Variants in ADAMTS6 observed in about 807,000 individuals in gnomAD.
ADAMTS6 encodes the protein ADAM metallopeptidase with thrombospondin type 1 motif 6.
A neutral mutation model predicts 144.3 loss-of-function variants in ADAMTS6; 23 were observed. That is an observed-to-expected ratio of 0.16 (90% CI 0.11 to 0.23). The LOEUF (loss-of-function observed/expected upper bound fraction) is 0.23. Among genes scored for constraint, ADAMTS6 ranks in the 10% least tolerant of loss-of-function variants. The pLI is 1.00. For synonymous variants in ADAMTS6, 444 were observed against 457.5 expected (o/e 0.97, Z 0.38); for missense variants, 999 against 1,379.6 (o/e 0.72, Z 4.37).
At chr5:65,466,935 G>A (rs182506202) in intron 3 of ADAMTS6, among the ~76,000 whole-genome samples, 3 of 151,744 alleles carry the variant, frequency 2.0e-5, no homozygotes, top group Non-Finnish European at 2.9e-5. Context: ...CCAGCTACTC[G>A]GGAGGCTGAC....
intron 14 of ADAMTS6, chr5:65,251,111 T>G (rs1474690480): frequency 6.6e-6 from 1 of 152,164 alleles, no homozygotes; most frequent in Admixed American, 6.6e-5. Context: ...AAAAGAAGAT[T>G]CCATATACAT....
chr5:65,382,885 G>A (rs1468605350), intron 7 of ADAMTS6, among the ~76,000 whole-genome samples: 1 of 152,114 alleles, frequency 6.6e-6, no homozygotes, highest in East Asian at 1.9e-4. Flanking sequence ...GAAATTTATT[G>A]CTCACTGTCC....
At chr5:65,300,590 G>C (rs919888067) in intron 9 of ADAMTS6, among the ~76,000 whole-genome samples, 1 of 151,918 alleles carries the variant, frequency 6.6e-6, no homozygotes, top group Non-Finnish European at 1.5e-5. Context: ...ATGATCAGTT[G>C]AGTTTTAGGA....
At chr5:65,458,313 A>C (rs1343735177) in intron 4 of ADAMTS6, among the ~76,000 whole-genome samples, 1 of 152,238 alleles carries the variant, frequency 6.6e-6, no homozygotes, top group African/African-American at 2.4e-5. Context: ...TAGATTAAGA[A>C]AAGAAGACTT....
At chr5:65,153,307 T>C (rs948072713) in intron 24 of ADAMTS6, among the ~76,000 whole-genome samples, 2 of 152,206 alleles carry the variant, frequency 1.3e-5, no homozygotes, top group Admixed American at 6.5e-5. Flanking sequence ...AAGAGATTAA[T>C]AGCTAGAAAT....
Position 65,377,856 on chromosome 5 carries a change from G to T in ADAMTS6, c.1074-43771C>A, listed in dbSNP as rs1418033071. ...AAGTTTGAAATGAAGGTATCAGCAG[G>T]GCCATACTCTCTCTGAAACCTGTAA... On this transcript the variant is annotated intron_variant, in intron 7 of 24. Coordinates refer to ENST00000381055, the MANE Select transcript of ADAMTS6 (RefSeq NM_197941.4). Among the ~76,000 whole-genome samples the T allele has an allele frequency of 5.3e-5, 8 of 152,182 alleles. No homozygotes were observed. In the South Asian group the frequency reaches 1.2e-3, roughly 24 times the overall value.
chr5:65,400,675 T>C (rs1223778911), intron 7 of ADAMTS6, among the ~76,000 whole-genome samples: 1 of 152,224 alleles, frequency 6.6e-6, no homozygotes, highest in African/African-American at 2.4e-5. Flanking sequence ...GGTACTCTCA[T>C]TGCACATGTA....
At chr5:65,464,902 C>T (rs1759885669) in intron 3 of ADAMTS6, among the ~76,000 whole-genome samples, 1 of 152,198 alleles carries the variant, frequency 6.6e-6, no homozygotes, top group Non-Finnish European at 1.5e-5. Context: ...CACCTTTTCA[C>T]TGTCCTTCAC....
intron 9 of ADAMTS6, among the ~76,000 whole-genome samples, chr5:65,303,983 A>T (rs1743695132): frequency 6.6e-6 from 1 of 152,202 alleles, no homozygotes; most frequent in South Asian, 2.1e-4. Flanking sequence ...CATGATTTTT[A>T]AAAAATCAGA....
chr5:65,421,019 CT>C (rs1755990620), intron 7 of ADAMTS6, among the ~76,000 whole-genome samples: 1 of 152,190 alleles, frequency 6.6e-6, no homozygotes, highest in African/African-American at 2.4e-5. Flanking sequence ...TTAATCCAGT[CT>C]GCCAATGTGT....
chr5:65,273,983 G>A (rs1482671039), intron 11 of ADAMTS6, among the ~76,000 whole-genome samples: 4 of 151,902 alleles, frequency 2.6e-5, no homozygotes, highest in Admixed American at 6.6e-5. Context: ...ATTCATATAC[G>A]CCTAGGCACA....
At chr5:65,166,026 TA>T (rs1753124104) in intron 24 of ADAMTS6, among the ~76,000 whole-genome samples, 1 of 147,110 alleles carries the variant, frequency 6.8e-6, no homozygotes, top group Non-Finnish European at 1.5e-5. Flanking sequence ...AATTCACACA[TA>T]ACAATATTAA....
At chr5:65,358,812 T>C (rs779505549) in intron 7 of ADAMTS6, among the ~76,000 whole-genome samples, 16 of 152,034 alleles carry the variant, frequency 1.1e-4, no homozygotes, top group Non-Finnish European at 1.5e-4. Flanking sequence ...GCTGGAAAAG[T>C]GGACAGCCAC....
At chr5:65,299,344 A>G (rs1489998532) in intron 10 of ADAMTS6, among the ~76,000 whole-genome samples, 1 of 152,190 alleles carries the variant, frequency 6.6e-6, no homozygotes, top group East Asian at 1.9e-4. Flanking sequence ...ATCAGTTTCC[A>G]AAGTACAATC....
chr5:65,277,128 T>C (rs1221223862), intron 11 of ADAMTS6, among the ~76,000 whole-genome samples: 3 of 152,178 alleles, frequency 2.0e-5, no homozygotes, highest in Admixed American at 2.0e-4. Flanking sequence ...TATATGACAC[T>C]GTAAATTTGA....
intron 14 of ADAMTS6, among the ~76,000 whole-genome samples, chr5:65,250,457 G>A (rs1760059021): frequency 1.3e-5 from 2 of 152,102 alleles, no homozygotes; most frequent in South Asian, 4.1e-4. Context: ...GCAATGCATT[G>A]AAAAGGAAAA....
In ADAMTS6 at chr5:65,312,114, C is replaced by T. The variant is rs141671251; in HGVS notation, c.1224-11983G>A. ...GTCAGTTCTTCAAAGAGATAACACACATAAAATTACCAGATTAAAGAACAG... is the reference window on the plus strand; with the variant it reads ...GTCAGTTCTTCAAAGAGATAACACATATAAAATTACCAGATTAAAGAACAG... On this transcript the variant is annotated intron_variant, in intron 9 of 24. Transcript: ENST00000381055. 1.7e-3 allele frequency among the ~76,000 whole-genome samples: 266 copies of T among 152,008 alleles called. 2 individuals carry two copies. Among genetic ancestry groups the T allele is most frequent in the African/African-American group, 6.0e-3 (248 of 41,522 alleles).
intron 7 of ADAMTS6, among the ~76,000 whole-genome samples, chr5:65,412,153 GA>G (rs995300913): frequency 6.6e-6 from 1 of 152,042 alleles, no homozygotes; most frequent in Non-Finnish European, 1.5e-5. Flanking sequence ...CAAAATGCAA[GA>G]AAAGATCTTT....
At chr5:65,333,985 T>C (rs1245760687) in intron 8 of ADAMTS6, 57 bp downstream of exon 8, 1 of 1,225,198 alleles carries the variant, frequency 8.2e-7, no homozygotes, top group Non-Finnish European at 1.0e-6. Flanking sequence ...ATCAGAACCA[T>C]TCTACCTTTA....
Sources: allele counts gnomAD v4.1 joint callset (sites outside exome capture counted in the v4.1 genomes callset), GRCh38; gene constraint gnomAD v4.1.1; transcripts MANE v1.5; gene names NCBI Gene and HGNC (gene_info 2026-07-23, HGNC 2026-07-21).